SNF8: variants seen among roughly 807,000 people sequenced by gnomAD.
SNF8 encodes the protein vacuolar-sorting protein SNF8.
Under a neutral mutation model 36.8 loss-of-function variants are expected in SNF8, and 19 were observed. The observed-to-expected ratio is 0.52, with a 90% CI of 0.36 to 0.76. The LOEUF (loss-of-function observed/expected upper bound fraction) is 0.76, where lower values mean the gene tolerates loss of function less well. SNF8 is among the 30% of genes least tolerant of loss of function. The pLI is 0.00. For missense variants in SNF8, 268 were observed against 322.9 expected (o/e 0.83, Z 1.30); for synonymous variants, 127 against 127.4 (o/e 1.00, Z 0.02).
Position 48,940,932 on chromosome 17 carries a change from G to A in SNF8, c.236C>T (p.Pro79Leu), listed in dbSNP as rs2041013413. 19 of 1,611,906 alleles carry A rather than the reference G, an allele frequency of 1.2e-5. No homozygotes were observed. Among genetic ancestry groups the A allele is most frequent in the East Asian group, 2.2e-5 (1 of 44,868 alleles). The change falls in exon 3 of 8, where the codon CCG becomes CTG. Residue 79 changes from proline (P) to leucine (L), a missense_variant. Pro to Leu is a moderately conservative substitution (Grantham distance 98). Coordinates refer to ENST00000502492, the MANE Select transcript of SNF8 (RefSeq NM_007241.4). ...QDMCATIGVD[P>L]LASGKGFWSE... The stretch of plus-strand genomic sequence containing the variant: ...TACAGACAACTTCTTACAGGCCAGC[G>A]GATCCACGCCAATGGTTGCACACAT...
chr17:48,936,481 A>G (rs2040935935), intron 4 of SNF8, among the ~76,000 whole-genome samples: 1 of 152,216 alleles, frequency 6.6e-6, no homozygotes, highest in Non-Finnish European at 1.5e-5. Flanking sequence ...CATCTTTGAA[A>G]AACTATAAAT....
At chr17:48,935,987 C>T (rs2040928084) in intron 5 of SNF8, 183 bp downstream of exon 5, 2 of 523,238 alleles carry the variant, frequency 3.8e-6, no homozygotes, top group African/African-American at 1.9e-5. Flanking sequence ...TACTCCAGCC[C>T]GGGCAAAAGT....
In SNF8 at chr17:48,930,064, A is replaced by C; in HGVS notation, c.*411T>G. The C allele has an allele frequency of 6.5e-6, 1 of 153,496 alleles. No individual in the cohort carries two copies. 9.5% of individuals were successfully genotyped at this position (153,496 alleles called of 1,614,324 possible). The stretch of plus-strand genomic sequence containing the variant: ...GGAAGCCAGAAGAGACTGAAAGTGA[A>C]TATTATTTACTGGTCCATTAGGACC... On this transcript the variant is annotated 3_prime_UTR_variant, in exon 8 of 8. Transcript: ENST00000502492.
rs766421717 is a variant in SNF8, at chr17:48,937,106, G to C, written c.263C>G (p.Ser88Cys). Residue 88 changes from serine (S) to cysteine (C), a missense_variant, in exon 4 of 8, where the codon TCT becomes TGT. Physicochemically the swap from Ser to Cys is moderately radical, Grantham distance 112. Coordinates refer to ENST00000502492, the MANE Select transcript of SNF8 (RefSeq NM_007241.4). Reference protein sequence around the residue: ...DPLASGKGFWSEMLGVGDFYY... With the variant: ...DPLASGKGFWCEMLGVGDFYY... ...GAAGTCCCCCACGCCCAGCATCTCA[G>C]ACCAAAATCCTTTTCCAGCTACAAG... is the stretch of plus-strand genomic sequence containing the variant. The C allele has an allele frequency of 4.3e-6, 7 of 1,613,858 alleles. No individual in the cohort carries two copies. The South Asian group carries it at 6.6e-5, about 15-fold the overall frequency.
At position 48,937,060 on chromosome 17, in the gene SNF8, T is replaced by G; in HGVS notation, c.309A>C (p.Gln103His). 1 of 1,614,142 alleles carries G rather than the reference T, an allele frequency of 6.2e-7. No individual in the cohort carries two copies. Among genetic ancestry groups the G allele is most frequent in the Non-Finnish European group, 8.5e-7 (1 of 1,180,016 alleles). Reference sequence around the variant, plus strand: ...TCAGCGCCAGGCACACTTCGATAATTTGGACACCTAGTTCGTAATAGAAGT... The same window carrying G: ...TCAGCGCCAGGCACACTTCGATAATGTGGACACCTAGTTCGTAATAGAAGT... The part of the protein sequence containing the change: ...VGDFYYELGV[Q>H]IIEVCLALKH... The change falls in exon 4 of 8, where the codon CAA becomes CAC. Residue 103 changes from glutamine (Q) to histidine (H), a missense_variant. Physicochemically the swap from Gln to His is conservative, Grantham distance 24. Coordinates refer to ENST00000502492, the MANE Select transcript of SNF8 (RefSeq NM_007241.4).
chr17:48,930,409 T>G lies in SNF8; in HGVS notation c.*66A>C, dbSNP rs974890545. ...TTTTCTATTTTTTGTATAAACAAAA[T>G]TGCCCAGGTTTATTTGCCACCTCCG... On this transcript the variant is annotated 3_prime_UTR_variant, in exon 8 of 8. Transcript: ENST00000502492. 5.0e-6 allele frequency: 7 copies of G among 1,393,934 alleles called. No individual in the cohort carries two copies. Among genetic ancestry groups the G allele is most frequent in the Non-Finnish European group, 6.6e-6 (7 of 1,062,328 alleles). The allele number at this position is 1,393,934 out of a possible 1,614,324, so 86.3% of individuals were successfully genotyped here. A position where few individuals can be genotyped will look rare whatever the true frequency, so the allele number is the denominator to read the frequency against.
At chr17:48,938,410 C>T (rs10221256) in intron 3 of SNF8, among the ~76,000 whole-genome samples, 16,726 of 150,136 alleles carry the variant, frequency 0.11, 1,649 homozygotes, top group African/African-American at 0.27. Flanking sequence ...GCAGGAGAAT[C>T]GCTTGAACCT....
chr17:48,937,300 C>T (rs1398510770), intron 3 of SNF8, 176 bp from the exon 4 acceptor site: 1 of 703,696 alleles, frequency 1.4e-6, no homozygotes. Flanking sequence ...TGCTGAAGAA[C>T]AGGGTCAGAC....
intron 7 of SNF8, 82 bp downstream of exon 7, chr17:48,931,561 C>A (rs1160619376): frequency 1.7e-6 from 2 of 1,158,936 alleles, no homozygotes; most frequent in Non-Finnish European, 2.5e-6. Context: ...CAAAGCAATG[C>A]TGAAGTTCCT....
Position 48,937,090 on chromosome 17 carries a change from CA to C in SNF8, c.278del (p.Val93GlyfsTer8). 1 of 1,614,164 alleles carries C rather than the reference CA, an allele frequency of 6.2e-7. No individual in the cohort carries two copies. The highest frequency in any genetic ancestry group is 8.5e-7 in the Non-Finnish European group (1 of 1,180,016). On this transcript the variant is annotated frameshift_variant, in exon 4 of 8. Transcript: ENST00000502492. LOFTEE classifies it high-confidence loss of function. ...CACCTAGTTCGTAATAGAAGTCCCC[CA>C]CGCCCAGCATCTCAGACCAAAATCC... ...GKGFWSEMLG[V>X]GDFYYELGVQ...
chr17:48,944,315 A>T (rs2041073238), intron 1 of SNF8, among the ~76,000 whole-genome samples: 2 of 151,472 alleles, frequency 1.3e-5, no homozygotes, highest in Non-Finnish European at 2.9e-5. Context: ...AAACAAAACA[A>T]AACAAAAAAA....
At chr17:48,944,600 A>C in intron 1 of SNF8, 81 bp downstream of exon 1, 1 of 1,457,172 alleles carries the variant, frequency 6.9e-7, no homozygotes, top group Non-Finnish European at 9.6e-7. Context: ...GGAGGTGATT[A>C]ACGGGTAGGA....
chr17:48,931,867 GGAGA>G (rs760618927), intron 6 of SNF8, 150 bp from the exon 7 acceptor site: 118 of 579,522 alleles, frequency 2.0e-4, no homozygotes, highest in Admixed American at 7.4e-4. Context: ...GTTCCAGCGG[GGAGA>G]GAGAGAAGTG....
chr17:48,931,648 C>G lies in SNF8; in HGVS notation c.634G>C (p.Val212Leu). 1 of 1,613,296 alleles carries G rather than the reference C, an allele frequency of 6.2e-7. No homozygotes were observed. Among genetic ancestry groups the G allele is most frequent in the Non-Finnish European group, 8.5e-7 (1 of 1,179,580 alleles). The change falls in exon 7 of 8, where the codon GTG (valine) becomes CTG (leucine). Residue 212 changes from valine (V) to leucine (L), a missense_variant. Physicochemically the swap from Val to Leu is conservative, Grantham distance 32 (BLOSUM62 1). Coordinates refer to ENST00000502492, the MANE Select transcript of SNF8 (RefSeq NM_007241.4). ...ACTGTTCCAAAGTTGCATACCAGCA[C>G]TTGCCGCGCTCGCTCGGTCTCCCAT... Reference protein sequence around the residue: ...LKWETERARQVLEHLLKEGLA... With the variant: ...LKWETERARQLLEHLLKEGLA...
chr17:48,942,995 A>G (rs2041052585), intron 2 of SNF8, among the ~76,000 whole-genome samples: 1 of 151,544 alleles, frequency 6.6e-6, no homozygotes, highest in Non-Finnish European at 1.5e-5. Flanking sequence ...CCTCCCCAGT[A>G]GCTGGGACTA....
chr17:48,932,883 A>G (rs956030624), intron 6 of SNF8: 45 of 244,842 alleles, frequency 1.8e-4, no homozygotes, highest in African/African-American at 9.7e-4. Flanking sequence ...AAGAATCCAT[A>G]AAGTAGTTTC....
chr17:48,932,939 G>C, intron 6 of SNF8: 1 of 354,020 alleles, frequency 2.8e-6, no homozygotes, highest in Non-Finnish European at 5.1e-6. Context: ...CTAGTTAGTT[G>C]TCTGCATGTC....
intron 2 of SNF8, among the ~76,000 whole-genome samples, chr17:48,943,151 C>CCA (rs2041055665): frequency 2.6e-5 from 4 of 151,714 alleles, no homozygotes; most frequent in African/African-American, 4.8e-5. Context: ...CAGGCATATG[C>CCA]CACAGCACCC....
At chr17:48,934,508 G>A (rs1214823450) in intron 5 of SNF8, 5 of 194,924 alleles carry the variant, frequency 2.6e-5, no homozygotes, top group Non-Finnish European at 4.4e-5. Context: ...GGAGGCTGAG[G>A]CAGAAGAATC....
Sources: gnomAD v4.1 joint callset for allele counts (sites outside exome capture counted in the v4.1 genomes callset) on GRCh38, gnomAD v4.1.1 for gene constraint, MANE v1.5 for transcripts, NCBI Gene and HGNC (gene_info 2026-07-23, HGNC 2026-07-21) for gene names.